The following GALNT2 variants were observed in gnomAD, a reference collection of about 807,000 sequenced individuals.
GALNT2 encodes UDP-GalNAc:polypeptide N-acetylgalactosaminyltransferase 2.
In GALNT2, 31 loss-of-function variants were observed where a neutral mutation model predicts 81.4. The observed-to-expected ratio is 0.38, with a 90% CI of 0.29 to 0.51. The LOEUF is 0.51. Among genes scored for constraint, GALNT2 ranks in the 20% least tolerant of loss-of-function variants. The probability of loss-of-function intolerance (pLI) is 0.87; values close to 1 mark genes in which losing one functional copy is unlikely to be tolerated. For missense variants in GALNT2, 629 were observed against 765.7 expected (o/e 0.82, Z 2.11); for synonymous variants, 303 against 287.4 (o/e 1.05, Z -0.55).
intron 1 of GALNT2, among the ~76,000 whole-genome samples, chr1:230,125,734 T>C (rs1305177284): frequency 6.6e-6 from 1 of 152,198 alleles, no homozygotes; most frequent in Non-Finnish European, 1.5e-5. Context: ...TCGGCTTAGA[T>C]GAGAAATTGT....
chr1:230,267,272 G>A (rs1297189596), intron 14 of GALNT2, among the ~76,000 whole-genome samples: 1 of 152,222 alleles, frequency 6.6e-6, no homozygotes, highest in East Asian at 1.9e-4. Context: ...TAGAGAAAGG[G>A]ATTAGAAGGC....
intron 2 of GALNT2, among the ~76,000 whole-genome samples, chr1:230,200,330 T>A (rs1663850840): frequency 6.6e-6 from 1 of 152,230 alleles, no homozygotes; most frequent in African/African-American, 2.4e-5. Flanking sequence ...CCCAAAGTGC[T>A]GGGATTACAG....
intron 1 of GALNT2, among the ~76,000 whole-genome samples, chr1:230,071,888 A>T (rs1382749883): frequency 1.3e-5 from 2 of 152,186 alleles, no homozygotes; most frequent in African/African-American, 2.4e-5. Context: ...ATGGAAACAG[A>T]TTGTGTGACT....
At position 230,279,263 on chromosome 1, in the gene GALNT2, C is replaced by T; in HGVS notation, c.1561-40C>T. On this transcript the variant is annotated intron_variant, in intron 15 of 15. Transcript: ENST00000366672. This position sits in a 1 kb window ranked among gnomAD's most constrained non-coding sequence, Gnocchi z 4.6. ...ACACGAATCTGTTTGTACTCCTTTG[C>T]TTGTGCCCACACTCTAAGGCACTCT... 1.3e-6 allele frequency: 2 copies of T among 1,589,138 alleles called. No homozygotes were observed. Among genetic ancestry groups the T allele is most frequent in the Non-Finnish European group, 1.7e-6 (2 of 1,163,008 alleles).
chr1:230,102,506 G>A (rs1484798316), intron 1 of GALNT2, among the ~76,000 whole-genome samples: 2 of 152,190 alleles, frequency 1.3e-5, no homozygotes, highest in East Asian at 3.8e-4. Flanking sequence ...TTCTGGAAGA[G>A]CTTGCAGCAG....
chr1:230,186,625 G>A (rs1663344951), intron 2 of GALNT2, among the ~76,000 whole-genome samples: 1 of 152,196 alleles, frequency 6.6e-6, no homozygotes, highest in South Asian at 2.1e-4. Flanking sequence ...GAGAGGGAGG[G>A]AAAAGCCATC....
intron 1 of GALNT2, among the ~76,000 whole-genome samples, chr1:230,092,337 G>A (rs768377066): frequency 4.0e-5 from 6 of 150,812 alleles, no homozygotes; most frequent in African/African-American, 7.3e-5. Flanking sequence ...TCATTTTGTT[G>A]GCTCTTTTGG....
At chr1:230,164,821 C>T (rs1382274590) in intron 1 of GALNT2, among the ~76,000 whole-genome samples, 3 of 152,118 alleles carry the variant, frequency 2.0e-5, no homozygotes, top group African/African-American at 4.8e-5. Flanking sequence ...TGAGCCAGCA[C>T]GCCTGGCCTC....
At chr1:230,121,727 C>G (rs973924449) in intron 1 of GALNT2, among the ~76,000 whole-genome samples, 1 of 152,106 alleles carries the variant, frequency 6.6e-6, no homozygotes, top group Non-Finnish European at 1.5e-5. Context: ...CGGAGTCAGT[C>G]CCTTCAGCAG....
At chr1:230,154,976 C>T (rs980828545) in intron 1 of GALNT2, among the ~76,000 whole-genome samples, 18 of 152,178 alleles carry the variant, frequency 1.2e-4, no homozygotes, top group Non-Finnish European at 1.9e-4. Flanking sequence ...CTAATATTTA[C>T]GTACTAGCAC....
intron 1 of GALNT2, among the ~76,000 whole-genome samples, chr1:230,116,261 C>T (rs776583481): frequency 4.0e-5 from 6 of 151,892 alleles, no homozygotes; most frequent in Admixed American, 6.5e-5. Flanking sequence ...GACAGAGTCT[C>T]GCTATGTCAC....
intron 1 of GALNT2, among the ~76,000 whole-genome samples, chr1:230,156,796 T>C (rs1662271977): frequency 6.6e-6 from 1 of 152,204 alleles, no homozygotes; most frequent in Non-Finnish European, 1.5e-5. Flanking sequence ...CTCTGATTCA[T>C]TTCAGTCAGT....
In GALNT2 at chr1:230,274,498, T is replaced by A. The variant is rs1400460244; in HGVS notation, c.1494T>A (p.Thr498=). The A allele has an allele frequency of 1.9e-6, 3 of 1,614,014 alleles. No individual in the cohort carries two copies. In the South Asian group the frequency reaches 3.3e-5, roughly 18 times the overall value. Residue 498 remains threonine (T), a synonymous_variant, in exon 15 of 16, where the codon ACT becomes ACA. Transcript: ENST00000366672. ...TGAAGCACATGGATTTGTGCCTTAC[T>A]GTGGTGGACCGGGCACCGGGCTCTC... ...KSVKHMDLCL[T]VVDRAPGSLI...
intron 1 of GALNT2, among the ~76,000 whole-genome samples, chr1:230,125,521 T>G (rs755428363): frequency 6.6e-6 from 1 of 152,252 alleles, no homozygotes; most frequent in Non-Finnish European, 1.5e-5. Flanking sequence ...GATCGTGTCT[T>G]AAATTTTGTA....
At chr1:230,117,525 CA>C (rs1660881907) in intron 1 of GALNT2, among the ~76,000 whole-genome samples, 1 of 152,134 alleles carries the variant, frequency 6.6e-6, no homozygotes, top group Non-Finnish European at 1.5e-5. Flanking sequence ...GTAAGGTTAC[CA>C]ATTGGCCTAA....
chr1:230,159,757 T>C (rs1456987323), intron 1 of GALNT2, among the ~76,000 whole-genome samples: 1 of 152,228 alleles, frequency 6.6e-6, no homozygotes, highest in Non-Finnish European at 1.5e-5. Flanking sequence ...GAAGATACCT[T>C]GTCTACCTCC....
In GALNT2 at chr1:230,271,892, G is replaced by A. The variant is rs1666169755; in HGVS notation, c.1441-2553G>A. Among the ~76,000 whole-genome samples the A allele has an allele frequency of 6.6e-6, 1 of 152,214 alleles. No homozygotes were observed. The highest frequency in any genetic ancestry group is 2.1e-4 in the South Asian group (1 of 4,826). ...CTCCTCTTCCCTTCCCAGAGGATGG[G>A]GTGGCGGGGGACTGACGGTTTCAAG... is the stretch of plus-strand genomic sequence containing the variant. On this transcript the variant is annotated intron_variant, in intron 14 of 15. Coordinates refer to ENST00000366672, the MANE Select transcript of GALNT2 (RefSeq NM_004481.5). The surrounding 1 kb of genome is among the most constrained non-coding windows in gnomAD (Gnocchi z 4.2).
At chr1:230,090,175 AC>A (rs1295707834) in intron 1 of GALNT2, among the ~76,000 whole-genome samples, 2 of 152,172 alleles carry the variant, frequency 1.3e-5, no homozygotes, top group African/African-American at 4.8e-5. Flanking sequence ...GGTGTCTGTC[AC>A]CAAGATAGAA....
At chr1:230,154,638 C>T (rs1662192337) in intron 1 of GALNT2, among the ~76,000 whole-genome samples, 1 of 152,078 alleles carries the variant, frequency 6.6e-6, no homozygotes, top group African/African-American at 2.4e-5. Flanking sequence ...ATGGGGGATT[C>T]AGACAGAGCC....
Sources: gnomAD v4.1 joint callset for allele counts (sites outside exome capture counted in the v4.1 genomes callset) on GRCh38, gnomAD v4.1.1 for gene constraint, Gnocchi (gnomAD v3.1) non-coding constraint, MANE v1.5 for transcripts, NCBI Gene and HGNC (gene_info 2026-07-23, HGNC 2026-07-21) for gene names.